LEF1: variants seen among roughly 807,000 people sequenced by gnomAD.
LEF1 encodes the protein lymphoid enhancer binding factor 1.
LEF1 carries 14 observed loss-of-function variants against 51.2 expected under a neutral mutation model. The ratio of observed to expected loss-of-function variants is 0.27; its 90% confidence interval spans 0.18 to 0.43. The LOEUF (loss-of-function observed/expected upper bound fraction) is 0.43. LEF1 is among the 20% of genes least tolerant of loss of function. The pLI is 1.00. For synonymous variants in LEF1, 185 were observed against 183.2 expected, an observed-to-expected ratio of 1.01 and a Z score of -0.08; for missense variants, 386 against 512.0, an observed-to-expected ratio of 0.75 and a Z score of 2.37.
chr4:108,050,646 G>A (rs921256663), intron 11 of LEF1, among the ~76,000 whole-genome samples: 1 of 152,182 alleles, frequency 6.6e-6, no homozygotes, highest in Non-Finnish European at 1.5e-5. Flanking sequence ...GCTCTTCCTG[G>A]GAAGGTTTTC....
intron 3 of LEF1, among the ~76,000 whole-genome samples, chr4:108,099,644 G>A (rs1342231320): frequency 1.4e-5 from 2 of 139,872 alleles, no homozygotes; most frequent in Non-Finnish European, 3.1e-5. Flanking sequence ...TATGGGGTAC[G>A]TGTGCAGAAC....
chr4:108,051,088 A>G (rs540600559), intron 11 of LEF1, among the ~76,000 whole-genome samples: 1 of 152,344 alleles, frequency 6.6e-6, no homozygotes, highest in Admixed American at 6.5e-5. Context: ...TTGCCAAGAA[A>G]GAGTCTATAT....
intron 11 of LEF1, among the ~76,000 whole-genome samples, chr4:108,057,891 C>T (rs1233185068): frequency 1.3e-5 from 2 of 149,846 alleles, no homozygotes; most frequent in East Asian, 1.9e-4. Context: ...TTTTTTTCCC[C>T]GAGACGGAGT....
intron 8 of LEF1, 63 bp downstream of exon 8, chr4:108,078,157 G>A (rs1481695109): frequency 3.3e-6 from 5 of 1,496,540 alleles, no homozygotes; most frequent in African/African-American, 2.8e-5. Context: ...TTAAATTGGG[G>A]CAGATTTTCA....
intron 11 of LEF1, among the ~76,000 whole-genome samples, chr4:108,052,056 G>A (rs1737032557): frequency 6.6e-6 from 1 of 152,178 alleles, no homozygotes; most frequent in South Asian, 2.1e-4. Flanking sequence ...TCCTCCCCAG[G>A]CTGTCCTCTG....
At chr4:108,127,343 G>C (rs1184393258) in intron 3 of LEF1, among the ~76,000 whole-genome samples, 2 of 152,158 alleles carry the variant, frequency 1.3e-5, no homozygotes, top group East Asian at 1.9e-4. Context: ...AATTACTTAT[G>C]TTATTTATAA....
Position 108,160,746 on chromosome 4 carries a change from C to T in LEF1, c.414+2822G>A, listed in dbSNP as rs1745009310. On this transcript the variant is annotated intron_variant, in intron 3 of 11. Coordinates refer to ENST00000265165, the MANE Select transcript of LEF1 (RefSeq NM_016269.5). ...CCAGGATACACACAGTAGCATTTGT[C>T]TAAAAAATAAGCAAAAGCATATGCA... Among the ~76,000 whole-genome samples, 6 of 152,280 alleles carry T rather than the reference C, an allele frequency of 3.9e-5. No homozygotes were observed. In the South Asian group the frequency reaches 1.2e-3, roughly 32 times the overall value.
At chr4:108,124,182 G>A (rs1742362543) in intron 3 of LEF1, among the ~76,000 whole-genome samples, 1 of 151,770 alleles carries the variant, frequency 6.6e-6, no homozygotes. Flanking sequence ...AGATTGTATG[G>A]TATTATTATT....
intron 6 of LEF1, 32 bp from the exon 7 acceptor site, chr4:108,079,646 C>T (rs757330533): frequency 6.2e-7 from 1 of 1,613,112 alleles, no homozygotes; most frequent in East Asian, 2.2e-5. Flanking sequence ...AAACAATGTA[C>T]TACTGGCTGT....
chr4:108,064,528 C>A, intron 9 of LEF1, 144 bp from the exon 10 acceptor site: 2 of 614,516 alleles, frequency 3.3e-6, no homozygotes, highest in East Asian at 5.8e-5. Context: ...TATCTAGAAA[C>A]AAAGTCAGAA....
intron 3 of LEF1, among the ~76,000 whole-genome samples, chr4:108,101,334 T>C (rs991860759): frequency 3.9e-5 from 6 of 152,150 alleles, no homozygotes; most frequent in African/African-American, 1.4e-4. Flanking sequence ...CCAGGCCAAA[T>C]GCACAGAAGC....
At chr4:108,059,847 C>T in intron 11 of LEF1, among the ~76,000 whole-genome samples, 1 of 152,102 alleles carries the variant, frequency 6.6e-6, no homozygotes, top group East Asian at 1.9e-4. Flanking sequence ...GAACACACCA[C>T]CGCACGCAGC....
intron 3 of LEF1, among the ~76,000 whole-genome samples, chr4:108,133,551 T>TA (rs1259513974): frequency 1.3e-5 from 2 of 151,878 alleles, no homozygotes; most frequent in African/African-American, 2.4e-5. Context: ...CTATGTCCTT[T>TA]AAAAAAAAAT....
chr4:108,066,634 A>G (rs1387638333), intron 9 of LEF1, among the ~76,000 whole-genome samples: 1 of 152,226 alleles, frequency 6.6e-6, no homozygotes, highest in Non-Finnish European at 1.5e-5. Context: ...ACCTTCTAGG[A>G]TATCAACCAG....
At chr4:108,054,767 A>G (rs563769238) in intron 11 of LEF1, among the ~76,000 whole-genome samples, 3 of 152,344 alleles carry the variant, frequency 2.0e-5, no homozygotes, top group Admixed American at 1.3e-4. Flanking sequence ...TAATCCCAAT[A>G]CAAAAAAAAA....
At chr4:108,052,382 G>C (rs763549210) in intron 11 of LEF1, among the ~76,000 whole-genome samples, 3 of 152,252 alleles carry the variant, frequency 2.0e-5, no homozygotes, top group Non-Finnish European at 2.9e-5. Context: ...AGAGGCAGGA[G>C]CCTTAAACGA....
intron 3 of LEF1, among the ~76,000 whole-genome samples, chr4:108,095,905 G>A (rs964815996): frequency 3.9e-5 from 6 of 151,958 alleles, no homozygotes; most frequent in African/African-American, 1.2e-4. Context: ...GAAAGATCAG[G>A]GTAAAGGAAA....
At chr4:108,108,616 T>C (rs74668181) in intron 3 of LEF1, among the ~76,000 whole-genome samples, 8,904 of 152,220 alleles carry the variant, frequency 0.058, 830 homozygotes, top group African/African-American at 0.2. Flanking sequence ...AGGAGAAACA[T>C]GCAAGTGCTG....
intron 3 of LEF1, among the ~76,000 whole-genome samples, chr4:108,163,294 AGGG>A (rs1745176013): frequency 6.6e-6 from 1 of 152,224 alleles, no homozygotes; most frequent in African/African-American, 2.4e-5. Flanking sequence ...TCATAAAATC[AGGG>A]ATTTGTTGAT....
Sources: gnomAD v4.1 joint callset for allele counts (sites outside exome capture counted in the v4.1 genomes callset) on GRCh38, gnomAD v4.1.1 for gene constraint, MANE v1.5 for transcripts, NCBI Gene and HGNC (gene_info 2026-07-23, HGNC 2026-07-21) for gene names.